The following GPC5 variants were observed in gnomAD, a reference collection of about 807,000 sequenced individuals.
GPC5 encodes glypican-5.
A neutral mutation model predicts 53.9 loss-of-function variants in GPC5; 47 were observed. That is an observed-to-expected ratio of 0.87 (90% CI 0.69 to 1.11). The LOEUF (loss-of-function observed/expected upper bound fraction) is 1.11. Among genes scored for constraint, GPC5 ranks in the 50% most tolerant of loss-of-function variants. GPC5 has a pLI of 0.00. For missense variants in GPC5, 748 were observed against 713.1 expected (o/e 1.05, Z -0.56); for synonymous variants, 286 against 263.3 (o/e 1.09, Z -0.84).
chr13:92,748,395 A>G (rs1889294525), intron 7 of GPC5, among the ~76,000 whole-genome samples: 1 of 151,024 alleles, frequency 6.6e-6, no homozygotes, highest in African/African-American at 2.4e-5. Flanking sequence ...GTGCAGTGGC[A>G]TGATCTCGGC....
At chr13:92,809,743 G>C (rs1264245004) in intron 7 of GPC5, among the ~76,000 whole-genome samples, 1 of 152,118 alleles carries the variant, frequency 6.6e-6, no homozygotes, top group Non-Finnish European at 1.5e-5. Context: ...TCATAATAAT[G>C]AAGTGGCAGG....
intron 7 of GPC5, among the ~76,000 whole-genome samples, chr13:92,354,825 C>T (rs748992150): frequency 3.9e-5 from 6 of 152,096 alleles, no homozygotes; most frequent in Non-Finnish European, 8.8e-5. Flanking sequence ...TGAAAATAGT[C>T]TTAGAGTGCC....
At chr13:91,468,616 T>C (rs510465) in intron 2 of GPC5, among the ~76,000 whole-genome samples, 148,781 of 152,182 alleles carry the variant, frequency 0.98, 72,839 homozygotes, top group Middle Eastern at 1. Context: ...CAGAAGAAAC[T>C]AACTCTGCTT....
At chr13:92,470,334 C>T (rs1271111000) in intron 7 of GPC5, among the ~76,000 whole-genome samples, 2 of 152,066 alleles carry the variant, frequency 1.3e-5, no homozygotes, top group African/African-American at 4.8e-5. Context: ...TATTTTATAA[C>T]ATAATTGAAC....
intron 7 of GPC5, among the ~76,000 whole-genome samples, chr13:92,378,133 T>C (rs760925753): frequency 6.6e-6 from 1 of 152,170 alleles, no homozygotes; most frequent in Non-Finnish European, 1.5e-5. Context: ...ATCATTGTCA[T>C]GTGAAGGGAT....
chr13:92,508,985 G>T (rs1880471125), intron 7 of GPC5, among the ~76,000 whole-genome samples: 1 of 152,196 alleles, frequency 6.6e-6, no homozygotes, highest in African/African-American at 2.4e-5. Flanking sequence ...GGGTGGAGTA[G>T]TGAACAAGAT....
intron 7 of GPC5, among the ~76,000 whole-genome samples, chr13:92,701,227 G>GAAAT (rs1887728184): frequency 6.6e-6 from 1 of 152,066 alleles, no homozygotes; most frequent in East Asian, 1.9e-4. Flanking sequence ...GCCATAAAAG[G>GAAAT]AAATAAGTCA....
At chr13:92,028,132 C>A (rs1048401021) in intron 6 of GPC5, among the ~76,000 whole-genome samples, 1 of 151,984 alleles carries the variant, frequency 6.6e-6, no homozygotes, top group African/African-American at 2.4e-5. Flanking sequence ...TGTTTTAATC[C>A]GTATTTCAAA....
chr13:91,781,488 C>A (rs2037798415), intron 5 of GPC5, among the ~76,000 whole-genome samples: 1 of 152,110 alleles, frequency 6.6e-6, no homozygotes, highest in African/African-American at 2.4e-5. Flanking sequence ...AGTAAAAGAT[C>A]ATATGTGGAT....
intron 7 of GPC5, among the ~76,000 whole-genome samples, chr13:92,783,242 T>C (rs1876096385): frequency 6.6e-6 from 1 of 152,168 alleles, no homozygotes. Flanking sequence ...CTCTTTCACT[T>C]TTCCAGATTG....
intron 2 of GPC5, among the ~76,000 whole-genome samples, chr13:91,573,347 C>T (rs970398048): frequency 7.2e-5 from 11 of 152,306 alleles, no homozygotes; most frequent in East Asian, 3.9e-4. Context: ...GTATGGCATA[C>T]GCATACATGC....
intron 5 of GPC5, among the ~76,000 whole-genome samples, chr13:91,798,554 A>G (rs774901696): frequency 6.6e-6 from 1 of 152,132 alleles, no homozygotes; most frequent in Non-Finnish European, 1.5e-5. Flanking sequence ...GTACTCCATG[A>G]TGTATATGTA....
intron 7 of GPC5, among the ~76,000 whole-genome samples, chr13:92,773,863 T>C (rs1875699398): frequency 6.6e-6 from 1 of 152,214 alleles, no homozygotes; most frequent in African/African-American, 2.4e-5. Context: ...AAAAGAAGTT[T>C]AATGAACTCA....
intron 7 of GPC5, among the ~76,000 whole-genome samples, chr13:92,577,418 A>ATGTATGTGTGTGTG (rs1555292115): frequency 6.9e-6 from 1 of 145,346 alleles, no homozygotes; most frequent in Non-Finnish European, 1.5e-5. Context: ...ATGTATGTAT[A>ATGTATGTGTGTGTG]TGTGTGTGTG....
intron 7 of GPC5, among the ~76,000 whole-genome samples, chr13:92,178,947 G>A (rs1332191136): frequency 6.6e-6 from 1 of 151,962 alleles, no homozygotes. Context: ...CTCCAGACTG[G>A]GTGACAGAGC....
chr13:91,862,111 A>G (rs960415427), intron 5 of GPC5, among the ~76,000 whole-genome samples: 2 of 152,136 alleles, frequency 1.3e-5, no homozygotes, highest in African/African-American at 2.4e-5. Flanking sequence ...TCATATACTT[A>G]TCATTTCTAT....
chr13:91,996,454 A>G (rs1379279823), intron 6 of GPC5: 1 of 152,280 alleles, frequency 6.6e-6, no homozygotes, highest in Admixed American at 6.5e-5. Context: ...TATAGTCATC[A>G]GATATAGTAG....
At chr13:92,344,616 A>G (rs1010881041) in intron 7 of GPC5, among the ~76,000 whole-genome samples, 1 of 152,130 alleles carries the variant, frequency 6.6e-6, no homozygotes, top group Non-Finnish European at 1.5e-5. Context: ...TGACTGATAA[A>G]AGGAAAAATA....
chr13:92,504,165 G>A (rs1040353566), intron 7 of GPC5, among the ~76,000 whole-genome samples: 9 of 151,916 alleles, frequency 5.9e-5, no homozygotes, highest in Non-Finnish European at 7.4e-5. Context: ...ATAAGATATC[G>A]TAGCAGGATT....
Sources: gnomAD v4.1 joint callset for allele counts (sites outside exome capture counted in the v4.1 genomes callset) on GRCh38, gnomAD v4.1.1 for gene constraint, MANE v1.5 for transcripts, NCBI Gene and HGNC (gene_info 2026-07-23, HGNC 2026-07-21) for gene names.